The following DTNA variants were observed in gnomAD, a reference collection of about 807,000 sequenced individuals.
DTNA encodes the protein dystrophin-related protein 3.
Under a neutral mutation model 100.7 loss-of-function variants are expected in DTNA, and 43 were observed. The ratio of observed to expected loss-of-function variants is 0.43; its 90% confidence interval spans 0.33 to 0.55. The LOEUF is 0.55. Among genes scored for constraint, DTNA ranks in the 20% least tolerant of loss-of-function variants. The pLI is 0.04. For missense variants in DTNA, 798 were observed against 953.9 expected (o/e 0.84, Z 2.15); for synonymous variants, 349 against 347.9 (o/e 1.00, Z -0.04).
intron 1 of DTNA, among the ~76,000 whole-genome samples, chr18:34,630,526 G>A (rs1234387130): frequency 6.6e-6 from 1 of 152,164 alleles, no homozygotes; most frequent in Non-Finnish European, 1.5e-5. Flanking sequence ...GGGGAGACTA[G>A]TAGCAAAGAG....
intron 1 of DTNA, among the ~76,000 whole-genome samples, chr18:34,622,557 T>A (rs1177318730): frequency 6.6e-6 from 1 of 152,132 alleles, no homozygotes; most frequent in Non-Finnish European, 1.5e-5. Context: ...TGAGCCTGAG[T>A]GGACTGGGTG....
intron 1 of DTNA, among the ~76,000 whole-genome samples, chr18:34,747,437 C>T (rs989813344): frequency 1.3e-5 from 2 of 151,890 alleles, no homozygotes; most frequent in Admixed American, 6.6e-5. Context: ...TTGGTGCACC[C>T]GTCACCTGAG....
intron 1 of DTNA, among the ~76,000 whole-genome samples, chr18:34,514,607 A>C (rs967416306): frequency 6.6e-6 from 1 of 152,120 alleles, no homozygotes; most frequent in African/African-American, 2.4e-5. Flanking sequence ...GCAAAATATC[A>C]TAAGCTGGTG....
intron 10 of DTNA, chr18:34,829,015 C>T (rs1281025403): frequency 1.9e-6 from 3 of 1,614,048 alleles, no homozygotes; most frequent in Non-Finnish European, 8.5e-7. Flanking sequence ...CCCATCCTTA[C>T]TGAAGGTCAT....
intron 1 of DTNA, among the ~76,000 whole-genome samples, chr18:34,725,133 C>A (rs1312656600): frequency 6.6e-6 from 1 of 151,982 alleles, no homozygotes; most frequent in East Asian, 1.9e-4. Context: ...GACCTAAAGC[C>A]ATAAAAACCC....
chr18:34,563,937 A>G (rs1035652674), intron 1 of DTNA, among the ~76,000 whole-genome samples: 1 of 152,032 alleles, frequency 6.6e-6, no homozygotes, highest in Non-Finnish European at 1.5e-5. Flanking sequence ...AAGGATATTC[A>G]TATCCATCAC....
intron 1 of DTNA, among the ~76,000 whole-genome samples, chr18:34,496,416 A>T (rs558610651): frequency 3.3e-5 from 5 of 152,322 alleles, no homozygotes; most frequent in African/African-American, 1.2e-4. Context: ...TGTGATACAT[A>T]CATATATCCT....
chr18:34,600,751 G>A (rs1436877222), intron 1 of DTNA, among the ~76,000 whole-genome samples: 2 of 152,182 alleles, frequency 1.3e-5, no homozygotes, highest in Non-Finnish European at 2.9e-5. Context: ...CTAAGATGTA[G>A]ACATATGAAG....
intron 1 of DTNA, among the ~76,000 whole-genome samples, chr18:34,496,354 T>G (rs972014276): frequency 2.0e-5 from 3 of 152,214 alleles, no homozygotes; most frequent in African/African-American, 7.2e-5. Flanking sequence ...TTGAATTTGA[T>G]TTTTCCAAGT....
At chr18:34,818,139 T>A (rs2095636520) in intron 7 of DTNA, 25 bp from the exon 8 acceptor site, 1 of 1,613,784 alleles carries the variant, frequency 6.2e-7, no homozygotes, top group Admixed American at 1.7e-5. Flanking sequence ...TTTTCTTGGT[T>A]TTTCTTCACT....
intron 1 of DTNA, among the ~76,000 whole-genome samples, chr18:34,711,512 G>A (rs2082900863): frequency 6.6e-6 from 1 of 152,132 alleles, no homozygotes; most frequent in African/African-American, 2.4e-5. Flanking sequence ...TTATTCTAGT[G>A]TATTCACTGT....
chr18:34,738,541 C>T (rs960753650), intron 1 of DTNA, among the ~76,000 whole-genome samples: 1 of 152,146 alleles, frequency 6.6e-6, no homozygotes, highest in Non-Finnish European at 1.5e-5. Context: ...CAGGCTGAGT[C>T]CAGCTTTGAA....
At chr18:34,593,214 C>A (rs2146958448) in intron 1 of DTNA, 1 of 152,326 alleles carries the variant, frequency 6.6e-6, no homozygotes, top group South Asian at 2.1e-4. Context: ...ACAGCGGAAG[C>A]TCAGTCAGAG....
At chr18:34,646,773 T>C (rs1026972279) in intron 1 of DTNA, among the ~76,000 whole-genome samples, 1 of 152,116 alleles carries the variant, frequency 6.6e-6, no homozygotes, top group Non-Finnish European at 1.5e-5. Context: ...AGTGGCGCGA[T>C]CTTGGCTCAC....
At chr18:34,823,256 T>A (rs548031473) in intron 9 of DTNA, among the ~76,000 whole-genome samples, 1 of 152,320 alleles carries the variant, frequency 6.6e-6, no homozygotes, top group African/African-American at 2.4e-5. Flanking sequence ...CAAAGAAGAA[T>A]GCTCTCTTAA....
chr18:34,563,200 G>T (rs1216535473), intron 1 of DTNA, among the ~76,000 whole-genome samples: 1 of 152,156 alleles, frequency 6.6e-6, no homozygotes, highest in Admixed American at 6.5e-5. Context: ...TCAATCCCTG[G>T]TTCCCTACTG....
rs143356252 is a variant in DTNA at position 34,806,801 on chromosome 18, G to C, written c.448+497G>C. 2.0e-4 allele frequency among the ~76,000 whole-genome samples: 30 copies of C among 152,350 alleles called. No individual in the cohort carries two copies. The East Asian group carries it at 3.7e-3, about 19-fold the overall frequency. ...ATTACATAGAGACAGCATTGGCAGA[G>C]TTAACTAGATGCCAGTAAAAGCATG... On this transcript the variant is annotated intron_variant, in intron 5 of 22. Transcript: ENST00000444659.
Position 34,737,903 on chromosome 18 carries a change from C to G in DTNA, c.-1-18073C>G, listed in dbSNP as rs138983094. 1.5e-3 allele frequency: 226 copies of G among 152,150 alleles called. 1 individual carries two copies. The highest frequency in any genetic ancestry group is 5.2e-3 in the African/African-American group (215 of 41,496). 9.4% of individuals were successfully genotyped at this position (152,150 alleles called of 1,614,324 possible). A position where few individuals can be genotyped will look rare whatever the true frequency, so the allele number is the denominator to read the frequency against. ...GTCCTATGAATAAAACAGACACCAA[C>G]AAAAACAATTTCATGAAGATTTTAT... is the stretch of plus-strand genomic sequence containing the variant. On this transcript the variant is annotated intron_variant, in intron 1 of 22. Coordinates refer to ENST00000444659, the MANE Select transcript of DTNA (RefSeq NM_001386795.1).
intron 1 of DTNA, among the ~76,000 whole-genome samples, chr18:34,539,577 A>G (rs1373322504): frequency 1.3e-5 from 2 of 151,918 alleles, no homozygotes; most frequent in Admixed American, 1.3e-4. Context: ...TATGCTTGGG[A>G]TTCCATCTCT....
Sources: gnomAD v4.1 joint callset for allele counts (sites outside exome capture counted in the v4.1 genomes callset) on GRCh38, gnomAD v4.1.1 for gene constraint, MANE v1.5 for transcripts, NCBI Gene and HGNC (gene_info 2026-07-23, HGNC 2026-07-21) for gene names.